PKP2: variants seen among roughly 807,000 people sequenced by gnomAD.
PKP2 encodes the protein plakophilin 2.
PKP2 carries 73 observed loss-of-function variants against 83.4 expected under a neutral mutation model. That is an observed-to-expected ratio of 0.88 (90% confidence interval 0.72 to 1.06). PKP2 has a LOEUF of 1.06. Ranked by LOEUF, PKP2 falls within the 50% of genes least tolerant of loss-of-function variation. The pLI is 0.00. For synonymous variants in PKP2, 409 were observed against 430.4 expected (o/e 0.95, Z 0.62); for missense variants, 966 against 1,065.4 (o/e 0.91, Z 1.30).
chr12:32,834,881 A>C (rs1956530451), intron 6 of PKP2, among the ~76,000 whole-genome samples: 1 of 151,662 alleles, frequency 6.6e-6, no homozygotes, highest in Non-Finnish European at 1.5e-5. Flanking sequence ...AAACAGAGTT[A>C]ATAGTCAGGT....
At chr12:32,854,347 T>A (rs1297546009) in intron 4 of PKP2, among the ~76,000 whole-genome samples, 1 of 152,232 alleles carries the variant, frequency 6.6e-6, no homozygotes, top group Non-Finnish European at 1.5e-5. Flanking sequence ...CGGCTACAGC[T>A]CTACTTACTG....
In PKP2 at chr12:32,845,901, G is replaced by A. The variant is rs181488047; in HGVS notation, c.1379-4696C>T. On this transcript the variant is annotated intron_variant, in intron 5 of 12. Coordinates refer to ENST00000340811, the MANE Select transcript of PKP2 (RefSeq NM_001005242.3). Reference sequence around the variant, plus strand: ...AATATCAGATTATTGAAACGGCCACGTATTCCAAGTTATATATAAACCCAG... The same window carrying A: ...AATATCAGATTATTGAAACGGCCACATATTCCAAGTTATATATAAACCCAG... Among the ~76,000 whole-genome samples, 8 of 152,094 alleles carry A rather than the reference G, an allele frequency of 5.3e-5. No individual in the cohort carries two copies. The East Asian group carries it at 5.8e-4, about 11-fold the overall frequency.
chr12:32,864,851 A>G (rs889831561), intron 4 of PKP2, among the ~76,000 whole-genome samples: 1 of 152,214 alleles, frequency 6.6e-6, no homozygotes, highest in Non-Finnish European at 1.5e-5. Flanking sequence ...AAGACTAATT[A>G]CTCTGGGATT....
chr12:32,858,576 A>G (rs1956774891), intron 4 of PKP2, among the ~76,000 whole-genome samples: 2 of 152,184 alleles, frequency 1.3e-5, no homozygotes, highest in African/African-American at 4.8e-5. Context: ...AGCAATATCT[A>G]AAATATAGAC....
chr12:32,855,194 TG>T (rs1297437708), intron 4 of PKP2, among the ~76,000 whole-genome samples: 1 of 152,218 alleles, frequency 6.6e-6, no homozygotes, highest in Non-Finnish European at 1.5e-5. Context: ...CTACATCTTT[TG>T]TAATAGCAGA....
chr12:32,806,334 G>C (rs547317112), intron 9 of PKP2, among the ~76,000 whole-genome samples: 5 of 152,076 alleles, frequency 3.3e-5, no homozygotes, highest in African/African-American at 9.7e-5. Flanking sequence ...CTGTAAATCT[G>C]TCTGGTCCTG....
chr12:32,857,092 AG>A (rs1231360739), intron 4 of PKP2, among the ~76,000 whole-genome samples: 1 of 151,618 alleles, frequency 6.6e-6, no homozygotes, highest in African/African-American at 2.4e-5. Context: ...AACAGGACAG[AG>A]GGAGGGTTGG....
chr12:32,881,434 T>C (rs1038565124), intron 1 of PKP2, among the ~76,000 whole-genome samples: 2 of 152,140 alleles, frequency 1.3e-5, no homozygotes, highest in African/African-American at 2.4e-5. Flanking sequence ...TTTTTTTCTA[T>C]AAATTTTATT....
intron 4 of PKP2, among the ~76,000 whole-genome samples, chr12:32,866,416 G>C (rs1956849091): frequency 6.6e-6 from 1 of 151,680 alleles, no homozygotes; most frequent in Non-Finnish European, 1.5e-5. Flanking sequence ...AGCAAGGTGT[G>C]GTAGTGCACC....
intron 1 of PKP2, among the ~76,000 whole-genome samples, chr12:32,882,810 CAA>C (rs1037647802): frequency 6.6e-6 from 1 of 152,120 alleles, no homozygotes; most frequent in Non-Finnish European, 1.5e-5. Context: ...CTTTAAATTG[CAA>C]AGAGATTTAA....
chr12:32,808,815 CT>C (rs1487507593), intron 9 of PKP2, among the ~76,000 whole-genome samples: 1 of 152,126 alleles, frequency 6.6e-6, no homozygotes, highest in African/African-American at 2.4e-5. Flanking sequence ...TGCTCCAGAC[CT>C]TAGTTGCCTC....
intron 1 of PKP2, among the ~76,000 whole-genome samples, chr12:32,892,370 T>C (rs1290138851): frequency 6.6e-6 from 1 of 150,988 alleles, no homozygotes; most frequent in Non-Finnish European, 1.5e-5. Flanking sequence ...CTGGAGGCAG[T>C]GGCATGATCT....
chr12:32,815,887 G>A lies in PKP2; in HGVS notation c.2013+5469C>T, dbSNP rs1003232291. Among the ~76,000 whole-genome samples the A allele has an allele frequency of 2.6e-5, 4 of 152,190 alleles. No homozygotes were observed. In the South Asian group the frequency reaches 8.3e-4, roughly 32 times the overall value. ...GAAATGAGAATGCCTGAAGTAGGAT[G>A]ACCTTTAGAATTTGCTCCATAAGGA... On this transcript the variant is annotated intron_variant, in intron 9 of 12. Coordinates refer to ENST00000340811, the MANE Select transcript of PKP2 (RefSeq NM_001005242.3).
chr12:32,823,983 A>T, intron 7 of PKP2, 62 bp downstream of exon 7: 1 of 993,598 alleles, frequency 1.0e-6, no homozygotes, highest in Non-Finnish European at 1.6e-6. Flanking sequence ...CCAAGCGGCT[A>T]TCTTAAGAAT....
At chr12:32,796,395 T>G in intron 10 of PKP2, 97 bp from the exon 11 acceptor site, 1 of 1,136,172 alleles carries the variant, frequency 8.8e-7, no homozygotes, top group Non-Finnish European at 1.3e-6. Context: ...TTCTTTTTCT[T>G]TTTTTGAGAC....
At chr12:32,795,190 CTT>C (rs71298051) in intron 11 of PKP2, among the ~76,000 whole-genome samples, 2 of 144,864 alleles carry the variant, frequency 1.4e-5, no homozygotes. Context: ...CATTCTCCTC[CTT>C]TTTTTTTTTA....
At chr12:32,794,170 CTTA>C (rs1055282773) in intron 11 of PKP2, among the ~76,000 whole-genome samples, 1 of 152,148 alleles carries the variant, frequency 6.6e-6, no homozygotes, top group African/African-American at 2.4e-5. Flanking sequence ...CAAATCAGCA[CTTA>C]TTAGTAACCC....
intron 9 of PKP2, among the ~76,000 whole-genome samples, chr12:32,815,676 A>G (rs562578425): frequency 1.1e-4 from 16 of 152,352 alleles, no homozygotes; most frequent in Admixed American, 1.0e-3. Flanking sequence ...CGCTTTATAG[A>G]TACATCATAC....
rs1273012903 is a variant in PKP2, at chr12:32,791,361, T to C, written c.*1063A>G. The C allele has an allele frequency of 6.6e-6, 1 of 152,238 alleles. No individual in the cohort carries two copies. Among genetic ancestry groups the C allele is most frequent in the East Asian group, 1.9e-4 (1 of 5,206 alleles). The allele number at this position is 152,238 out of a possible 1,614,324, so 9.4% of individuals were successfully genotyped here. Reference sequence around the variant, plus strand: ...TAAAATAATGGCTTGAAGAAGATCATATGAGATCTAGTGGCTCTGTGATAT... The same window carrying C: ...TAAAATAATGGCTTGAAGAAGATCACATGAGATCTAGTGGCTCTGTGATAT... On this transcript the variant is annotated 3_prime_UTR_variant, in exon 13 of 13. Transcript: ENST00000340811.
Sources: allele counts gnomAD v4.1 joint callset (sites outside exome capture counted in the v4.1 genomes callset), GRCh38; gene constraint gnomAD v4.1.1; transcripts MANE v1.5; gene names NCBI Gene and HGNC (gene_info 2026-07-23, HGNC 2026-07-21).